The following CCDC192 variants were observed in gnomAD, a reference collection of about 807,000 sequenced individuals.
The protein encoded by CCDC192 is coiled-coil domain containing 192.
At chr5:127,869,512 C>T (rs976631007) in intron 5 of CCDC192, among the ~76,000 whole-genome samples, 1 of 152,148 alleles carries the variant, frequency 6.6e-6, no homozygotes, top group Admixed American at 6.5e-5. Flanking sequence ...TTGGACAACT[C>T]TACTATTAGA....
chr5:127,932,404 A>G (rs984472067), intron 6 of CCDC192, among the ~76,000 whole-genome samples: 2 of 151,984 alleles, frequency 1.3e-5, no homozygotes, highest in African/African-American at 4.8e-5. Flanking sequence ...GGGTTTCTCC[A>G]TGTTGGTCAG....
intron 5 of CCDC192, among the ~76,000 whole-genome samples, chr5:127,837,898 G>T (rs1454608241): frequency 6.6e-6 from 1 of 152,146 alleles, no homozygotes; most frequent in Non-Finnish European, 1.5e-5. Context: ...TGAGGCAAGG[G>T]AATTGCTTGA....
At chr5:127,721,970 C>T (rs1580531780) in intron 2 of CCDC192, among the ~76,000 whole-genome samples, 1 of 152,330 alleles carries the variant, frequency 6.6e-6, no homozygotes, top group East Asian at 1.9e-4. Context: ...GGCTCCTCCT[C>T]CAACACTGGG....
At chr5:127,736,864 T>A (rs1434692765) in intron 2 of CCDC192, among the ~76,000 whole-genome samples, 1 of 147,598 alleles carries the variant, frequency 6.8e-6, no homozygotes, top group African/African-American at 2.5e-5. Flanking sequence ...ATTTTGTTGA[T>A]CCTTTCAAAA....
At chr5:127,781,508 A>T (rs1335113168) in intron 3 of CCDC192, among the ~76,000 whole-genome samples, 1 of 150,254 alleles carries the variant, frequency 6.7e-6, no homozygotes, top group Non-Finnish European at 1.5e-5. Flanking sequence ...GATTTCTTTC[A>T]GCAGTGTTTT....
At chr5:127,709,196 A>AGG (rs1315451773) in intron 2 of CCDC192, among the ~76,000 whole-genome samples, 1 of 53,548 alleles carries the variant, frequency 1.9e-5, no homozygotes, top group Non-Finnish European at 3.5e-5. Context: ...AGAGGTGGAG[A>AGG]GAGGGGGAGA....
At chr5:127,732,068 C>T (rs192278118) in intron 2 of CCDC192, among the ~76,000 whole-genome samples, 71 of 152,066 alleles carry the variant, frequency 4.7e-4, no homozygotes, top group African/African-American at 1.7e-3. Context: ...AGACAACCTA[C>T]AGAATGGGAG....
At chr5:127,913,005 G>T (rs538910349) in intron 6 of CCDC192, among the ~76,000 whole-genome samples, 48 of 152,300 alleles carry the variant, frequency 3.2e-4, no homozygotes, top group Admixed American at 9.1e-4. Flanking sequence ...CCTATTGACA[G>T]CTAGCTGTAT....
chr5:127,905,439 T>G (rs1229656721), intron 6 of CCDC192, among the ~76,000 whole-genome samples: 1 of 152,200 alleles, frequency 6.6e-6, no homozygotes, highest in East Asian at 1.9e-4. Context: ...TGAATTTTAA[T>G]TTAGAAAACA....
chr5:127,923,094 G>T (rs963310155), intron 6 of CCDC192, among the ~76,000 whole-genome samples: 3 of 152,188 alleles, frequency 2.0e-5, no homozygotes, highest in Non-Finnish European at 2.9e-5. Flanking sequence ...ACTAGTTCAA[G>T]ACTTGCCTGA....
intron 2 of CCDC192, among the ~76,000 whole-genome samples, chr5:127,753,705 AAG>A (rs1183105683): frequency 2.4e-4 from 37 of 151,868 alleles, no homozygotes; most frequent in African/African-American, 8.7e-4. Flanking sequence ...AAAAAAAAAA[AAG>A]AGAAAAAACT....
intron 6 of CCDC192, among the ~76,000 whole-genome samples, chr5:127,897,141 C>T (rs1255633263): frequency 6.6e-6 from 1 of 151,064 alleles, no homozygotes; most frequent in Non-Finnish European, 1.5e-5. Flanking sequence ...AAATAAATAG[C>T]TACACAGTAG....
chr5:127,820,887 T>C (rs1305424609), intron 5 of CCDC192, among the ~76,000 whole-genome samples: 1 of 152,184 alleles, frequency 6.6e-6, no homozygotes, highest in East Asian at 1.9e-4. Flanking sequence ...ATTAATTTAA[T>C]CTAAATATAT....
intron 5 of CCDC192, among the ~76,000 whole-genome samples, chr5:127,832,445 A>G (rs928572914): frequency 5.9e-5 from 9 of 152,182 alleles, no homozygotes; most frequent in Non-Finnish European, 1.0e-4. Flanking sequence ...TCTAGACAGT[A>G]TAATCGCATT....
chr5:127,726,872 G>C (rs1469200714), intron 2 of CCDC192, among the ~76,000 whole-genome samples: 2 of 152,198 alleles, frequency 1.3e-5, no homozygotes, highest in African/African-American at 4.8e-5. Flanking sequence ...CTCCCACACA[G>C]TGCACCCGCT....
intron 3 of CCDC192, among the ~76,000 whole-genome samples, chr5:127,761,267 A>G (rs956875523): frequency 5.3e-5 from 8 of 152,230 alleles, no homozygotes; most frequent in African/African-American, 2.4e-5. Context: ...GCCAGGTACT[A>G]TATCTAGAAG....
At chr5:127,927,963 C>T (rs1361664111) in intron 6 of CCDC192, among the ~76,000 whole-genome samples, 256 of 116,390 alleles carry the variant, frequency 2.2e-3, no homozygotes, top group African/African-American at 8.3e-3. Flanking sequence ...TTTTTTGAGA[C>T]GGAGTCTCAC....
chr5:127,727,031 C>T (rs1012444323), intron 2 of CCDC192, among the ~76,000 whole-genome samples: 1 of 152,152 alleles, frequency 6.6e-6, no homozygotes, highest in Non-Finnish European at 1.5e-5. Flanking sequence ...GGACAGAGCT[C>T]CCAGAGGAAG....
At chr5:127,816,811 G>C (rs147009240) in intron 5 of CCDC192, among the ~76,000 whole-genome samples, 1 of 152,186 alleles carries the variant, frequency 6.6e-6, no homozygotes, top group Non-Finnish European at 1.5e-5. Flanking sequence ...CTTAGGAAAA[G>C]TGTTCAAAGA....
Sources: gnomAD v4.1 joint callset for allele counts (sites outside exome capture counted in the v4.1 genomes callset) on GRCh38, gnomAD v4.1.1 for gene constraint, MANE v1.5 for transcripts, NCBI Gene and HGNC (gene_info 2026-07-23, HGNC 2026-07-21) for gene names.